The following ZNF207 variants were observed in gnomAD, a reference collection of about 807,000 sequenced individuals.
The protein encoded by ZNF207 is zinc finger protein 207.
Under a neutral mutation model 60.2 loss-of-function variants are expected in ZNF207, and 24 were observed. That is an observed-to-expected ratio of 0.40 (90% confidence interval 0.29 to 0.56). The LOEUF (loss-of-function observed/expected upper bound fraction) is 0.56. Ranked by LOEUF, ZNF207 falls within the 20% of genes least tolerant of loss-of-function variation. ZNF207 has a pLI of 0.49. For missense variants in ZNF207, 452 were observed against 636.6 expected (o/e 0.71, Z 3.12); for synonymous variants, 236 against 194.7 (o/e 1.21, Z -1.77).
At chr17:32,361,032 G>A in intron 5 of ZNF207, 65 bp downstream of exon 5, 2 of 1,524,192 alleles carry the variant, frequency 1.3e-6, no homozygotes, top group South Asian at 1.2e-5. Flanking sequence ...CAATTTGGAT[G>A]TTATATGAAT....
At chr17:32,361,595 T>C (rs1357818787) in intron 6 of ZNF207, 80 bp downstream of exon 6, 2 of 1,282,376 alleles carry the variant, frequency 1.6e-6, no homozygotes, top group Non-Finnish European at 2.1e-6. Flanking sequence ...ATGGTATCTA[T>C]TCAGTTGACT....
chr17:32,365,183 A>C lies in ZNF207; in HGVS notation c.671-147A>C, dbSNP rs865957075. On this transcript the variant is annotated intron_variant, in intron 7 of 11. Transcript: ENST00000394670. ...AAAGGAAGGGAAAATTTAAGGTAAG[A>C]ATGTTGCATGGGGCAAATGCCTAAG... 8.5e-6 allele frequency: 7 copies of C among 827,658 alleles called. 1 individual carries two copies. In the Middle Eastern group the frequency reaches 1.4e-3, roughly 166 times the overall value. The allele number at this position is 827,658 out of a possible 1,614,324, so 51.3% of individuals were successfully genotyped here. A position where few individuals can be genotyped will look rare whatever the true frequency, so the allele number is the denominator to read the frequency against.
intron 2 of ZNF207, among the ~76,000 whole-genome samples, chr17:32,353,909 T>C (rs1264744244): frequency 6.6e-6 from 1 of 152,210 alleles, no homozygotes; most frequent in Non-Finnish European, 1.5e-5. Flanking sequence ...TGTGGCTATT[T>C]AAAATGATAT....
rs1208936168 is a variant in ZNF207, at chr17:32,356,594, T to A, written c.169-1909T>A. 2.0e-5 allele frequency among the ~76,000 whole-genome samples: 3 copies of A among 152,202 alleles called. 1 individual carries two copies. The highest frequency in any genetic ancestry group is 7.2e-5 in the African/African-American group (3 of 41,448). ...ACTTTTCTGTTCGTACATGAAAATG[T>A]CTTAGGAGGAAAGAAAAAATGAGTA... On this transcript the variant is annotated intron_variant, in intron 2 of 11. Coordinates refer to ENST00000394670, the MANE Select transcript of ZNF207 (RefSeq NM_001098507.2).
In ZNF207 at chr17:32,375,364, T is replaced by G. The variant is rs1003479123; in HGVS notation, c.*5605T>G. The G allele has an allele frequency of 6.6e-6, 1 of 152,198 alleles. No homozygotes were observed. The highest frequency in any genetic ancestry group is 1.5e-5 in the Non-Finnish European group (1 of 68,022). 9.4% of individuals were successfully genotyped at this position (152,198 alleles called of 1,614,324 possible). Reference sequence around the variant, plus strand: ...ATCCTGCAATATGCTGAAATCTTTCTAAGTTGCTTATCTTAATTCTAATGG... The same window carrying G: ...ATCCTGCAATATGCTGAAATCTTTCGAAGTTGCTTATCTTAATTCTAATGG... On this transcript the variant is annotated 3_prime_UTR_variant, in exon 12 of 12. Coordinates refer to ENST00000394670, the MANE Select transcript of ZNF207 (RefSeq NM_001098507.2).
In ZNF207 at chr17:32,376,894, A is replaced by AAAAGG. The variant is rs932173096; in HGVS notation, c.*7135_*7136insAAAGG. 1 of 152,024 alleles carries AAAAGG rather than the reference A, an allele frequency of 6.6e-6. No homozygotes were observed. The highest frequency in any genetic ancestry group is 1.5e-5 in the Non-Finnish European group (1 of 67,908). 9.4% of individuals were successfully genotyped at this position (152,024 alleles called of 1,614,324 possible). On this transcript the variant is annotated 3_prime_UTR_variant, in exon 12 of 12. Transcript: ENST00000394670. Reference sequence around the variant, plus strand: ...GTAGTAATCTGGCACAGCTTCAGTAATGTGTGCTGTGTTTGTAAAAAGGTG... The same window carrying AAAAGG: ...GTAGTAATCTGGCACAGCTTCAGTAAAAAGGTGTGTGCTGTGTTTGTAAAAAGGTG...
chr17:32,351,690 G>A, intron 1 of ZNF207, 96 bp from the exon 2 acceptor site: 8 of 1,609,000 alleles, frequency 5.0e-6, no homozygotes, highest in Non-Finnish European at 6.8e-6. Flanking sequence ...TACCATTTTG[G>A]TTTTAGCTGT....
At chr17:32,358,404 C>T (rs1904671264) in intron 2 of ZNF207, 99 bp from the exon 3 acceptor site, 2 of 1,202,118 alleles carry the variant, frequency 1.7e-6, no homozygotes, top group East Asian at 3.0e-5. Context: ...TCTACATGGC[C>T]TCACTATAGA....
In ZNF207 at chr17:32,373,708, T is replaced by C. The variant is rs1905560825; in HGVS notation, c.*3949T>C. On this transcript the variant is annotated 3_prime_UTR_variant, in exon 12 of 12. Transcript: ENST00000394670. ...ACATAATTAACAGCTTCAGTAAAGC[T>C]TGTGTTCCTATATTGAACTTCAATA... 3.1e-6 allele frequency: 1 copy of C among 323,992 alleles called. No individual in the cohort carries two copies. Among genetic ancestry groups the C allele is most frequent in the South Asian group, 1.6e-4 (1 of 6,412 alleles). The allele number at this position is 323,992 out of a possible 1,614,324, so 20.1% of individuals were successfully genotyped here.
Position 32,377,793 on chromosome 17 carries a change from A to G in ZNF207, c.*8034A>G, listed in dbSNP as rs1370021773. 6.6e-6 allele frequency: 1 copy of G among 152,334 alleles called. No homozygotes were observed. Among genetic ancestry groups the G allele is most frequent in the Non-Finnish European group, 1.5e-5 (1 of 67,844 alleles). The allele number at this position is 152,334 out of a possible 1,614,324, so 9.4% of individuals were successfully genotyped here. On this transcript the variant is annotated 3_prime_UTR_variant, in exon 12 of 12. Coordinates refer to ENST00000394670, the MANE Select transcript of ZNF207 (RefSeq NM_001098507.2). ...AGGTAACTTCTGTTTAAAAAAAAAA[A>G]AAACTAGGGAAAAGTTTTAAATGTA...
At position 32,381,560 on chromosome 17, in the gene ZNF207, C is replaced by G. The variant is rs1258581693; in HGVS notation, c.*11801C>G. The stretch of plus-strand genomic sequence containing the variant: ...TATAATTTTTGTTTACTAGTAGGTT[C>G]AGAGAGAGATCTGAGATGTTCCTTA... On this transcript the variant is annotated 3_prime_UTR_variant, in exon 12 of 12. Coordinates refer to ENST00000394670, the MANE Select transcript of ZNF207 (RefSeq NM_001098507.2). 2.0e-5 allele frequency: 3 copies of G among 152,166 alleles called. No individual in the cohort carries two copies. The highest frequency in any genetic ancestry group is 7.2e-5 in the African/African-American group (3 of 41,428). 9.4% of individuals were successfully genotyped at this position (152,166 alleles called of 1,614,324 possible). A position where few individuals can be genotyped will look rare whatever the true frequency, so the allele number is the denominator to read the frequency against.
At chr17:32,359,229 C>CAGCCTTCGGAGT (rs1320248343) in intron 3 of ZNF207, among the ~76,000 whole-genome samples, 1 of 152,266 alleles carries the variant, frequency 6.6e-6, no homozygotes, top group East Asian at 1.9e-4. Flanking sequence ...TCTCCTGCCT[C>CAGCCTTCGGAGT]AGCCTTCGGA....
intron 1 of ZNF207, among the ~76,000 whole-genome samples, chr17:32,350,565 C>A (rs914860637): frequency 2.0e-5 from 3 of 151,984 alleles, no homozygotes; most frequent in Non-Finnish European, 4.4e-5. Flanking sequence ...TTGTTCGGTG[C>A]GAATTTTGGA....
chr17:32,360,032 CTTATA>C (rs1179362745), intron 3 of ZNF207, among the ~76,000 whole-genome samples: 1 of 152,016 alleles, frequency 6.6e-6, no homozygotes, highest in Admixed American at 6.6e-5. Flanking sequence ...ATTCCATTTT[CTTATA>C]TTATTATTCA....
Position 32,369,336 on chromosome 17 carries a change from TC to T in ZNF207, c.1208del (p.Pro403LeufsTer19), listed in dbSNP as rs752625585. 1 of 1,614,128 alleles carries T rather than the reference TC, an allele frequency of 6.2e-7. No individual in the cohort carries two copies. The highest frequency in any genetic ancestry group is 1.3e-5 in the African/African-American group (1 of 75,036). ...AGTTACCTAAGTATCAACGTAATCT[TC>T]CTCGGCCAGGACAGGCCCCCATCGG... Reference protein sequence around the residue: ...AQLPKYQRNLPRPGQAPIGNP... With the variant: ...AQLPKYQRNLXRPGQAPIGNP... On this transcript the variant is annotated frameshift_variant, in exon 11 of 12. Coordinates refer to ENST00000394670, the MANE Select transcript of ZNF207 (RefSeq NM_001098507.2). LOFTEE classifies it high-confidence loss of function.
intron 2 of ZNF207, among the ~76,000 whole-genome samples, chr17:32,357,709 C>G (rs1904631170): frequency 6.6e-6 from 1 of 152,008 alleles, no homozygotes; most frequent in Non-Finnish European, 1.5e-5. Flanking sequence ...CTGGAGTGCT[C>G]ACTGCAACCT....
At position 32,358,619 on chromosome 17, in the gene ZNF207, A is replaced by C. The variant is rs887452521; in HGVS notation, c.285A>C (p.Arg95=). ...AAAAAGACATGGATGAAAGACGACG[A>C]CTTCTTGAACAGAAAACACAAGGTA... ...IPEKDMDERR[R]LLEQKTQESQ... The change falls in exon 3 of 12, where the codon CGA becomes CGC. Residue 95 remains arginine (R), a synonymous_variant. Transcript: ENST00000394670. 4 of 1,516,068 alleles carry C rather than the reference A, an allele frequency of 2.6e-6. No individual in the cohort carries two copies. The highest frequency in any genetic ancestry group is 3.5e-6 in the Non-Finnish European group (4 of 1,141,510). The allele number at this position is 1,516,068 out of a possible 1,614,324, so 93.9% of individuals were successfully genotyped here. A position where few individuals can be genotyped will look rare whatever the true frequency, so the allele number is the denominator to read the frequency against.
At chr17:32,352,606 C>A (rs971746338) in intron 2 of ZNF207, among the ~76,000 whole-genome samples, 1 of 152,176 alleles carries the variant, frequency 6.6e-6, no homozygotes, top group Non-Finnish European at 1.5e-5. Context: ...TACTCACTGC[C>A]ATTGAAGGAT....
rs1038465608 is a variant in ZNF207, at chr17:32,378,140, T to G, written c.*8381T>G. ...CTCAGTACTTGGGCCAAAGTAGATCTAGGTTTGCTAACCCCAGTTGTAATA... is the reference window on the plus strand; with the variant it reads ...CTCAGTACTTGGGCCAAAGTAGATCGAGGTTTGCTAACCCCAGTTGTAATA... On this transcript the variant is annotated 3_prime_UTR_variant, in exon 12 of 12. Coordinates refer to ENST00000394670, the MANE Select transcript of ZNF207 (RefSeq NM_001098507.2). The G allele has an allele frequency of 2.0e-5, 3 of 152,314 alleles. No individual in the cohort carries two copies. The highest frequency in any genetic ancestry group is 7.2e-5 in the African/African-American group (3 of 41,454). 9.4% of individuals were successfully genotyped at this position (152,314 alleles called of 1,614,324 possible).
Sources: gnomAD v4.1 joint callset for allele counts (sites outside exome capture counted in the v4.1 genomes callset) on GRCh38, gnomAD v4.1.1 for gene constraint, MANE v1.5 for transcripts, NCBI Gene and HGNC (gene_info 2026-07-23, HGNC 2026-07-21) for gene names.